The following ESRRG variants were observed in gnomAD, a reference collection of about 807,000 sequenced individuals.
ESRRG encodes the protein estrogen-related receptor gamma.
A neutral mutation model predicts 44.0 loss-of-function variants in ESRRG; 13 were observed. The ratio of observed to expected loss-of-function variants is 0.30; its 90% CI spans 0.19 to 0.47. The LOEUF is 0.47. ESRRG is among the 20% of genes least tolerant of loss of function. ESRRG has a pLI of 1.00. For synonymous variants in ESRRG, 215 were observed against 214.6 expected, an observed-to-expected ratio of 1.00 and a Z score of -0.02; for missense variants, 395 against 580.6, an observed-to-expected ratio of 0.68 and a Z score of 3.29.
At chr1:216,840,408 G>A (rs1265784760) in intron 2 of ESRRG, among the ~76,000 whole-genome samples, 1 of 152,190 alleles carries the variant, frequency 6.6e-6, no homozygotes, top group Non-Finnish European at 1.5e-5. Context: ...AGGGAATGTT[G>A]TGGCTGGTTT....
intron 1 of ESRRG, among the ~76,000 whole-genome samples, chr1:217,025,681 C>CTTTATAGAA (rs2081074540): frequency 6.6e-6 from 1 of 152,178 alleles, no homozygotes; most frequent in South Asian, 2.1e-4. Flanking sequence ...TGGGTCCAAA[C>CTTTATAGAA]ACAGCCCCTA....
intron 6 of ESRRG, among the ~76,000 whole-genome samples, chr1:216,517,806 T>C (rs2044795715): frequency 6.6e-6 from 1 of 152,138 alleles, no homozygotes; most frequent in Non-Finnish European, 1.5e-5. Context: ...GAAATCATAT[T>C]TTATAATTTC....
rs1042483508 is a variant in ESRRG at position 216,714,646 on chromosome 1, TAAAG to T, written c.56+8594_56+8597del. On this transcript the variant is annotated intron_variant, in intron 1 of 6. Coordinates refer to ENST00000408911, the MANE Select transcript of ESRRG (RefSeq NM_001438.4). ...TAAAGTTTTGTTCACTATAAGAAAA[TAAAG>T]AAATAAAAAAATACAATTTGAGTTT... 4.0e-4 allele frequency: 264 copies of T among 662,204 alleles called. 1 individual carries two copies. Among genetic ancestry groups the T allele is most frequent in the Non-Finnish European group, 4.6e-4 (246 of 534,742 alleles). The allele number at this position is 662,204 out of a possible 1,614,324, so 41.0% of individuals were successfully genotyped here. A position where few individuals can be genotyped will look rare whatever the true frequency, so the allele number is the denominator to read the frequency against.
intron 1 of ESRRG, among the ~76,000 whole-genome samples, chr1:216,678,022 C>T (rs899551919): frequency 2.0e-5 from 3 of 152,124 alleles, no homozygotes; most frequent in African/African-American, 7.2e-5. Context: ...ACAGATGATC[C>T]TCAGCTCTGT....
chr1:216,744,484 GCACACACA>G lies in ESRRG; in HGVS notation c.-13-67001_-13-66994del, dbSNP rs57621941. ...CACTTGAATATGTGCACACAGACAT[GCACACACA>G]CACACACACACACACACACCTCTGT... On this transcript the variant is annotated intron_variant, in intron 2 of 7. Coordinates refer to the ESRRG transcript ENST00000359162. Among the ~76,000 whole-genome samples, 1,020 of 149,596 alleles carry G rather than the reference GCACACACA, an allele frequency of 6.8e-3. 10 individuals carry two copies. Among genetic ancestry groups the G allele is most frequent in the Non-Finnish European group, 0.01 (700 of 67,230 alleles).
chr1:216,892,198 C>T (rs1422176619), intron 2 of ESRRG, among the ~76,000 whole-genome samples: 2 of 152,062 alleles, frequency 1.3e-5, no homozygotes, highest in East Asian at 3.9e-4. Flanking sequence ...TAATGGAAAA[C>T]TTAGTGTGCC....
chr1:217,054,040 A>AG (rs1470025380), intron 1 of ESRRG, among the ~76,000 whole-genome samples: 1 of 152,114 alleles, frequency 6.6e-6, no homozygotes, highest in Non-Finnish European at 1.5e-5. Context: ...GAAAAAAAAA[A>AG]AAAGCCTCAC....
chr1:216,766,466 T>C (rs1349830030), intron 2 of ESRRG, among the ~76,000 whole-genome samples: 1 of 151,964 alleles, frequency 6.6e-6, no homozygotes, highest in Non-Finnish European at 1.5e-5. Context: ...CAGTCCAAAT[T>C]TGGGGATTAC....
intron 3 of ESRRG, among the ~76,000 whole-genome samples, chr1:216,607,438 C>T (rs955634370): frequency 1.8e-4 from 27 of 152,152 alleles, no homozygotes; most frequent in Non-Finnish European, 1.5e-5. Context: ...GAAGGCTGGA[C>T]AGAGTGGGCG....
chr1:216,901,433 T>A (rs554276416), intron 2 of ESRRG, among the ~76,000 whole-genome samples: 2 of 152,012 alleles, frequency 1.3e-5, no homozygotes, highest in Non-Finnish European at 2.9e-5. Flanking sequence ...AGTGGCGTGA[T>A]CACACCTCAT....
intron 2 of ESRRG, among the ~76,000 whole-genome samples, chr1:216,750,954 T>C (rs1426942084): frequency 6.6e-6 from 1 of 152,156 alleles, no homozygotes; most frequent in Non-Finnish European, 1.5e-5. Flanking sequence ...GAAAACACCC[T>C]ATCATTTTAT....
intron 1 of ESRRG, among the ~76,000 whole-genome samples, chr1:216,979,846 G>A (rs1242559655): frequency 6.6e-6 from 1 of 152,008 alleles, no homozygotes; most frequent in Non-Finnish European, 1.5e-5. Context: ...CATTTCAAAA[G>A]AGGTTTTAAA....
At chr1:216,847,113 T>C (rs2095763492) in intron 2 of ESRRG, among the ~76,000 whole-genome samples, 1 of 152,062 alleles carries the variant, frequency 6.6e-6, no homozygotes, top group Non-Finnish European at 1.5e-5. Context: ...TGTATTATGA[T>C]TACTGCTTAG....
chr1:216,764,550 T>C (rs1024179750), intron 2 of ESRRG, among the ~76,000 whole-genome samples: 1 of 150,940 alleles, frequency 6.6e-6, no homozygotes, highest in South Asian at 2.1e-4. Context: ...ATTACAGGCA[T>C]GAGACACCAT....
At chr1:216,873,422 G>A (rs2096288264) in intron 2 of ESRRG, among the ~76,000 whole-genome samples, 1 of 151,848 alleles carries the variant, frequency 6.6e-6, no homozygotes, top group Admixed American at 6.6e-5. Context: ...ACATTGGCCA[G>A]GCTGGTCTCG....
At chr1:217,062,101 G>T (rs2088637369) in intron 1 of ESRRG, among the ~76,000 whole-genome samples, 1 of 152,124 alleles carries the variant, frequency 6.6e-6, no homozygotes, top group Non-Finnish European at 1.5e-5. Context: ...AACATGGGCA[G>T]TCACAGGGAA....
upstream of ESRRG, among the ~76,000 whole-genome samples, chr1:217,091,293 A>C (rs1311658890): frequency 6.6e-6 from 1 of 152,210 alleles, no homozygotes; most frequent in Admixed American, 6.5e-5. Context: ...GAGGTTGCAA[A>C]AAATTAAGCA....
intron 2 of ESRRG, among the ~76,000 whole-genome samples, chr1:216,901,042 T>C (rs563282396): frequency 7.2e-5 from 11 of 152,254 alleles, no homozygotes; most frequent in African/African-American, 2.6e-4. Context: ...CCAGATTCAT[T>C]GCTGCTGGGG....
intron 1 of ESRRG, among the ~76,000 whole-genome samples, chr1:216,952,678 G>C (rs1218064786): frequency 6.6e-6 from 1 of 151,980 alleles, no homozygotes; most frequent in Non-Finnish European, 1.5e-5. Context: ...TAGCAAAATT[G>C]GTTAAAAATA....
Sources: gnomAD v4.1 joint callset for allele counts (sites outside exome capture counted in the v4.1 genomes callset) on GRCh38, gnomAD v4.1.1 for gene constraint, MANE v1.5 for transcripts, NCBI Gene and HGNC (gene_info 2026-07-23, HGNC 2026-07-21) for gene names.